The following FCHO2 variants were observed in gnomAD, a reference collection of about 807,000 sequenced individuals.
The protein encoded by FCHO2 is F-BAR domain only protein 2.
In FCHO2, 43 loss-of-function variants were observed where a neutral mutation model predicts 114.1. The ratio of observed to expected loss-of-function variants is 0.38; its 90% CI spans 0.30 to 0.49. The LOEUF (loss-of-function observed/expected upper bound fraction) is 0.49, where lower values mean the gene tolerates loss of function less well. Among genes scored for constraint, FCHO2 ranks in the 20% least tolerant of loss-of-function variants. The probability of loss-of-function intolerance (pLI) is 0.97; values close to 1 mark genes in which losing one functional copy is unlikely to be tolerated. For synonymous variants in FCHO2, 293 were observed against 315.2 expected (o/e 0.93, Z 0.75); for missense variants, 807 against 950.4 (o/e 0.85, Z 1.98).
chr5:72,973,998 T>C (rs1405889139), intron 2 of FCHO2, among the ~76,000 whole-genome samples: 30 of 151,626 alleles, frequency 2.0e-4, no homozygotes, highest in African/African-American at 5.8e-4. Flanking sequence ...TCAGTTTCTA[T>C]GTAGTTGAGC....
rs1753702265 is a variant in FCHO2, at chr5:72,989,317, G to A, written c.126-110G>A. 9.5e-6 allele frequency: 7 copies of A among 735,922 alleles called. No individual in the cohort carries two copies. In the Admixed American group the frequency reaches 1.4e-4, roughly 14 times the overall value. 45.6% of individuals were successfully genotyped at this position (735,922 alleles called of 1,614,324 possible). A position where few individuals can be genotyped will look rare whatever the true frequency, so the allele number is the denominator to read the frequency against. On this transcript the variant is annotated intron_variant, in intron 2 of 25. Transcript: ENST00000430046. ...ACATATATGTACTTATTTTTAACAT[G>A]TAATTTTTGAGGTATCTTTTTGTTT...
intron 2 of FCHO2, among the ~76,000 whole-genome samples, chr5:72,983,944 C>T (rs560477699): frequency 1.3e-5 from 2 of 151,896 alleles, no homozygotes; most frequent in East Asian, 1.9e-4. Flanking sequence ...GTGTTCAACT[C>T]GAGTGACTAA....
At chr5:72,979,439 T>C (rs1753070137) in intron 2 of FCHO2, among the ~76,000 whole-genome samples, 1 of 120,424 alleles carries the variant, frequency 8.3e-6, no homozygotes, top group Non-Finnish European at 1.6e-5. Context: ...TCGCCCAGGC[T>C]GGAGTGCAGT....
chr5:73,016,687 A>T (rs899698260), intron 7 of FCHO2, among the ~76,000 whole-genome samples: 3 of 143,314 alleles, frequency 2.1e-5, no homozygotes, highest in South Asian at 2.2e-4. Flanking sequence ...TTTAAATATT[A>T]AAAAAGATTT....
intron 24 of FCHO2, 133 bp from the exon 25 acceptor site, chr5:73,087,456 A>T: frequency 1.0e-6 from 1 of 966,982 alleles, no homozygotes; most frequent in East Asian, 2.7e-5. Flanking sequence ...GAAACAGGAT[A>T]ATAGTTTGTT....
intron 2 of FCHO2, among the ~76,000 whole-genome samples, chr5:72,985,097 C>A (rs1318174655): frequency 6.6e-6 from 1 of 152,028 alleles, no homozygotes; most frequent in Non-Finnish European, 1.5e-5. Context: ...TATTAAATAT[C>A]TTCCTTTATC....
chr5:73,036,132 C>T (rs538331774), intron 9 of FCHO2, among the ~76,000 whole-genome samples: 2 of 152,042 alleles, frequency 1.3e-5, no homozygotes, highest in Non-Finnish European at 2.9e-5. Flanking sequence ...AGGCGAGATC[C>T]ACCACACCAG....
intron 11 of FCHO2, among the ~76,000 whole-genome samples, chr5:73,047,425 A>G (rs1015056266): frequency 3.3e-5 from 5 of 151,994 alleles, no homozygotes; most frequent in Non-Finnish European, 7.4e-5. Flanking sequence ...AAAGATAAGC[A>G]GATGTATGTT....
Position 73,068,698 on chromosome 5 carries a change from G to C in FCHO2, c.1498G>C (p.Ala500Pro), listed in dbSNP as rs1019553238. 8.1e-6 allele frequency: 13 copies of C among 1,612,246 alleles called. No homozygotes were observed. Among genetic ancestry groups the C allele is most frequent in the Non-Finnish European group, 1.1e-5 (13 of 1,178,974 alleles). The change falls in exon 19 of 26, where the codon GCT (alanine) becomes CCT (proline). Residue 500 changes from alanine to proline, a missense_variant. Coordinates refer to ENST00000430046, the MANE Select transcript of FCHO2 (RefSeq NM_138782.3). ...AACTTCCAACACCAGCCCACCTCCT[G>C]CTGCACCATTAGCCCGGGCAGAAAG... is the stretch of plus-strand genomic sequence containing the variant. Reference protein sequence around the residue: ...PVTSNTSPPPAAPLARAESSS... With the variant: ...PVTSNTSPPPPAPLARAESSS...
At chr5:73,032,380 G>GT (rs1310797735) in intron 8 of FCHO2, among the ~76,000 whole-genome samples, 9 of 151,762 alleles carry the variant, frequency 5.9e-5, no homozygotes, top group Non-Finnish European at 7.4e-5. Flanking sequence ...TTCAAAATGT[G>GT]TTTTTTTTGG....
chr5:73,073,274 A>G (rs904279455), intron 19 of FCHO2, among the ~76,000 whole-genome samples: 2 of 152,038 alleles, frequency 1.3e-5, no homozygotes, highest in Non-Finnish European at 2.9e-5. Context: ...AGATCTTACT[A>G]CATAAAAGCC....
At chr5:72,990,691 G>C in intron 4 of FCHO2, 21 bp from the exon 5 acceptor site, 1 of 1,538,880 alleles carries the variant, frequency 6.5e-7, no homozygotes, top group Non-Finnish European at 8.7e-7. Context: ...TCATTTTGAT[G>C]GATCATTTCA....
chr5:72,972,533 A>G (rs990295645), intron 2 of FCHO2, among the ~76,000 whole-genome samples: 2 of 151,974 alleles, frequency 1.3e-5, no homozygotes, highest in Non-Finnish European at 2.9e-5. Context: ...AATGCTTGTG[A>G]TTTTTGTACA....
At chr5:72,992,655 G>C (rs749869133) in intron 5 of FCHO2, among the ~76,000 whole-genome samples, 3 of 152,148 alleles carry the variant, frequency 2.0e-5, no homozygotes, top group Non-Finnish European at 1.5e-5. Context: ...ATTGAAAGTT[G>C]GGGATTTAGG....
rs144793679 is a variant in FCHO2 at position 73,003,086 on chromosome 5, C to T, written c.496-3359C>T. The stretch of plus-strand genomic sequence containing the variant: ...GTGGTGGTATTATCATAGCTCACTG[C>T]AGCCTTGAACTCTGGGGCTCAAGTG... On this transcript the variant is annotated intron_variant, in intron 5 of 25. Transcript: ENST00000430046. Among the ~76,000 whole-genome samples, 7 of 152,236 alleles carry T rather than the reference C, an allele frequency of 4.6e-5. No homozygotes were observed. In the East Asian group the frequency reaches 1.4e-3, roughly 29 times the overall value.
At chr5:72,996,720 G>C (rs1754127556) in intron 5 of FCHO2, among the ~76,000 whole-genome samples, 1 of 152,170 alleles carries the variant, frequency 6.6e-6, no homozygotes, top group Admixed American at 6.5e-5. Flanking sequence ...CTGTCCGCCA[G>C]CTCCCCGTTC....
chr5:73,010,888 A>C (rs1248115345), intron 6 of FCHO2, among the ~76,000 whole-genome samples: 4 of 149,038 alleles, frequency 2.7e-5, no homozygotes, highest in African/African-American at 1.0e-4. Flanking sequence ...AAAAAAAAAA[A>C]AAAAAAAAAA....
chr5:72,979,554 G>T (rs1753080911), intron 2 of FCHO2, among the ~76,000 whole-genome samples: 1 of 150,240 alleles, frequency 6.7e-6, no homozygotes, highest in South Asian at 2.1e-4. Context: ...ACCACGCCCG[G>T]CTAATTTTTT....
intron 8 of FCHO2, among the ~76,000 whole-genome samples, chr5:73,030,652 G>A (rs747026404): frequency 6.6e-6 from 1 of 152,174 alleles, no homozygotes; most frequent in Non-Finnish European, 1.5e-5. Flanking sequence ...AGGACCAGTG[G>A]CATCACCTGG....
Sources: allele counts gnomAD v4.1 joint callset (sites outside exome capture counted in the v4.1 genomes callset), GRCh38; gene constraint gnomAD v4.1.1; transcripts MANE v1.5; gene names NCBI Gene and HGNC (gene_info 2026-07-23, HGNC 2026-07-21).